Variants in FAM81A observed in about 807,000 individuals in gnomAD.
FAM81A encodes protein FAM81A.
A neutral mutation model predicts 46.7 loss-of-function variants in FAM81A; 19 were observed. The ratio of observed to expected loss-of-function variants is 0.41; its 90% CI spans 0.28 to 0.60. The LOEUF is 0.60. Among genes scored for constraint, FAM81A ranks in the 20% least tolerant of loss-of-function variants. The pLI is 0.34. For missense variants in FAM81A, 377 were observed against 453.5 expected (o/e 0.83, Z 1.53); for synonymous variants, 183 against 152.9 (o/e 1.20, Z -1.45).
At chr15:59,510,328 C>T (rs1229640824) in intron 6 of FAM81A, among the ~76,000 whole-genome samples, 18 of 150,210 alleles carry the variant, frequency 1.2e-4, no homozygotes, top group African/African-American at 4.4e-4. Context: ...GAGATCACAC[C>T]ACTGCACTCC....
chr15:59,459,358 C>T (rs1227924434), intron 2 of FAM81A, among the ~76,000 whole-genome samples: 3 of 152,214 alleles, frequency 2.0e-5, no homozygotes, highest in East Asian at 1.9e-4. Context: ...ACATACAAGT[C>T]GGGATTTGCT....
intron 3 of FAM81A, among the ~76,000 whole-genome samples, chr15:59,474,075 A>G (rs1316670640): frequency 6.6e-6 from 1 of 152,142 alleles, no homozygotes. Flanking sequence ...AGTTCCTCTC[A>G]TGCCCCCAGT....
At chr15:59,521,118 C>T in intron 8 of FAM81A, 136 bp from the exon 9 acceptor site, 4 of 950,738 alleles carry the variant, frequency 4.2e-6, no homozygotes, top group Non-Finnish European at 6.0e-6. Context: ...ACCTGTTCCC[C>T]ATCATACTTT....
chr15:59,448,709 C>T (rs1429363435), intron 1 of FAM81A, among the ~76,000 whole-genome samples: 1 of 151,820 alleles, frequency 6.6e-6, no homozygotes, highest in Non-Finnish European at 1.5e-5. Flanking sequence ...GCTCTGTTGC[C>T]CAAGCTGGAG....
intron 3 of FAM81A, among the ~76,000 whole-genome samples, chr15:59,463,074 T>C (rs552501390): frequency 1.6e-4 from 24 of 152,354 alleles, no homozygotes; most frequent in African/African-American, 5.8e-4. Context: ...TGTTGCATCT[T>C]TACAACTATT....
chr15:59,422,805 A>T (rs1425297303), intron 2 of FAM81A, among the ~76,000 whole-genome samples: 1 of 152,250 alleles, frequency 6.6e-6, no homozygotes, highest in Non-Finnish European at 1.5e-5. Context: ...CATTTAAAAC[A>T]TAGTTAAATG....
At chr15:59,495,607 C>G (rs1003540736) in intron 4 of FAM81A, among the ~76,000 whole-genome samples, 29 of 152,272 alleles carry the variant, frequency 1.9e-4, no homozygotes, top group African/African-American at 6.5e-4. Context: ...GACTGTTTGC[C>G]GAAGTGGCCG....
At chr15:59,444,078 C>G (rs1462986759) in intron 1 of FAM81A, 1 of 152,332 alleles carries the variant, frequency 6.6e-6, no homozygotes, top group East Asian at 1.9e-4. Context: ...ACTGACCAGC[C>G]CCTCCATTCT....
intron 3 of FAM81A, among the ~76,000 whole-genome samples, chr15:59,468,566 A>G (rs1487106443): frequency 4.0e-5 from 6 of 151,246 alleles, no homozygotes; most frequent in African/African-American, 1.5e-4. Flanking sequence ...CCCCTTTACC[A>G]TTTTTTATTG....
chr15:59,434,086 CT>C (rs1481930722), upstream of FAM81A, among the ~76,000 whole-genome samples: 2 of 152,150 alleles, frequency 1.3e-5, no homozygotes, highest in African/African-American at 4.8e-5. Flanking sequence ...AACTCCTAGC[CT>C]CAAGCTATCT....
chr15:59,502,340 C>A lies in FAM81A; in HGVS notation c.414-4873C>A, dbSNP rs193264419. 4.2e-4 allele frequency among the ~76,000 whole-genome samples: 63 copies of A among 151,704 alleles called. No individual in the cohort carries two copies. The East Asian group carries it at 0.01, about 25-fold the overall frequency. On this transcript the variant is annotated intron_variant, in intron 4 of 8. Transcript: ENST00000288228. ...AAAGCTATCCCTTCCCGCTCCCCCC[C>A]CAACAACAGTCCCCAGAGTGTGATG...
chr15:59,459,505 C>T (rs906968909), intron 2 of FAM81A, among the ~76,000 whole-genome samples: 2 of 152,154 alleles, frequency 1.3e-5, no homozygotes, highest in Non-Finnish European at 2.9e-5. Flanking sequence ...CTGACACTCC[C>T]TATTGCCTCA....
intron 1 of FAM81A, among the ~76,000 whole-genome samples, chr15:59,399,886 C>T (rs1463523185): frequency 1.3e-5 from 2 of 152,062 alleles, no homozygotes; most frequent in African/African-American, 4.8e-5. Context: ...AAGAAAGCCC[C>T]ATACTTATTT....
At chr15:59,489,314 TATAC>T (rs1308522125) in intron 3 of FAM81A, among the ~76,000 whole-genome samples, 6,125 of 139,238 alleles carry the variant, frequency 0.044, 178 homozygotes, top group Non-Finnish European at 0.068. Context: ...TACATACATA[TATAC>T]ATACATACAT....
At chr15:59,413,417 A>AAC (rs535000983) in intron 2 of FAM81A, among the ~76,000 whole-genome samples, 14,671 of 134,334 alleles carry the variant, frequency 0.11, 800 homozygotes, top group Non-Finnish European at 0.15. Context: ...GAGAGCATTA[A>AAC]ACACACACAC....
intron 3 of FAM81A, among the ~76,000 whole-genome samples, chr15:59,476,674 C>A (rs1171879527): frequency 1.3e-5 from 2 of 151,924 alleles, no homozygotes; most frequent in Admixed American, 1.3e-4. Flanking sequence ...CCTGTAATCC[C>A]AGCTACTTGG....
At chr15:59,478,975 T>A (rs2081809898) in intron 3 of FAM81A, among the ~76,000 whole-genome samples, 1 of 152,192 alleles carries the variant, frequency 6.6e-6, no homozygotes, top group African/African-American at 2.4e-5. Flanking sequence ...GACCAGATCC[T>A]AGAACATGGA....
intron 1 of FAM81A, among the ~76,000 whole-genome samples, chr15:59,451,970 G>T (rs889295661): frequency 5.3e-5 from 8 of 152,218 alleles, no homozygotes; most frequent in African/African-American, 1.9e-4. Flanking sequence ...TTGGGATATA[G>T]CTGTGGACAA....
intron 3 of FAM81A, among the ~76,000 whole-genome samples, chr15:59,477,854 C>T (rs1050314818): frequency 2.6e-5 from 4 of 152,220 alleles, no homozygotes; most frequent in African/African-American, 9.6e-5. Flanking sequence ...TTTAATACAT[C>T]TCCATCCACA....
Sources: allele counts gnomAD v4.1 joint callset (sites outside exome capture counted in the v4.1 genomes callset), GRCh38; gene constraint gnomAD v4.1.1; transcripts MANE v1.5; gene names NCBI Gene and HGNC (gene_info 2026-07-23, HGNC 2026-07-21).